The following BANK1 variants were observed in gnomAD, a reference collection of about 807,000 sequenced individuals.
BANK1 encodes B-cell scaffold protein with ankyrin repeats.
Under a neutral mutation model 94.5 loss-of-function variants are expected in BANK1, and 95 were observed. That is an observed-to-expected ratio of 1.00 (90% CI 0.85 to 1.19). The LOEUF is 1.19. Ranked by LOEUF, BANK1 falls within the 50% of genes most tolerant of loss-of-function variation. The probability of loss-of-function intolerance (pLI) is 0.00; values close to 1 mark genes in which losing one functional copy is unlikely to be tolerated. For missense variants in BANK1, 987 were observed against 932.2 expected, an observed-to-expected ratio of 1.06 and a Z score of -0.77; for synonymous variants, 334 against 308.4, an observed-to-expected ratio of 1.08 and a Z score of -0.87.
chr4:101,876,561 C>A (rs887021936), intron 5 of BANK1, among the ~76,000 whole-genome samples: 31 of 152,100 alleles, frequency 2.0e-4, no homozygotes, highest in African/African-American at 7.0e-4. Flanking sequence ...AATCTGGAAA[C>A]CCTTCCCAAG....
intron 7 of BANK1, among the ~76,000 whole-genome samples, chr4:101,956,251 G>C (rs970793635): frequency 6.6e-6 from 1 of 152,008 alleles, no homozygotes; most frequent in Non-Finnish European, 1.5e-5. Context: ...ACTCCTGCAT[G>C]GAAAAAAAGT....
chr4:102,007,092 A>AG (rs1322128290), intron 7 of BANK1, among the ~76,000 whole-genome samples: 1 of 82,298 alleles, frequency 1.2e-5, no homozygotes, highest in African/African-American at 4.2e-5. Flanking sequence ...ATATATATAT[A>AG]ATATATTTAT....
At chr4:101,974,174 A>G (rs1725048825) in intron 7 of BANK1, among the ~76,000 whole-genome samples, 1 of 152,118 alleles carries the variant, frequency 6.6e-6, no homozygotes, top group African/African-American at 2.4e-5. Flanking sequence ...TCCATGTAAT[A>G]ATCTTGTTTT....
intron 6 of BANK1, among the ~76,000 whole-genome samples, chr4:101,908,436 G>A (rs369340405): frequency 3.3e-5 from 5 of 152,186 alleles, no homozygotes; most frequent in East Asian, 1.9e-4. Flanking sequence ...AATGTGAGAC[G>A]TAAAACCATA....
At chr4:102,070,801 A>G (rs898959598) in intron 13 of BANK1, among the ~76,000 whole-genome samples, 9 of 152,212 alleles carry the variant, frequency 5.9e-5, no homozygotes, top group African/African-American at 2.2e-4. Context: ...GAAGGTTGAC[A>G]TAAGGGAGAA....
At chr4:101,821,861 G>A (rs983971793) in intron 1 of BANK1, among the ~76,000 whole-genome samples, 1 of 152,136 alleles carries the variant, frequency 6.6e-6, no homozygotes, top group African/African-American at 2.4e-5. Context: ...AAATGGAGGA[G>A]TGGGTGGAGG....
intron 1 of BANK1, among the ~76,000 whole-genome samples, chr4:101,806,164 ATATGTACTTCTAGGTT>A (rs1287351779): frequency 6.6e-6 from 1 of 151,962 alleles, no homozygotes; most frequent in Admixed American, 6.6e-5. Flanking sequence ...AAACTGTCAT[ATATGTACTTCTAGGTT>A]TTTTATACAT....
intron 1 of BANK1, chr4:101,813,743 A>T: frequency 3.5e-6 from 1 of 284,032 alleles, no homozygotes; most frequent in Non-Finnish European, 5.3e-6. Context: ...AGTTATGTTT[A>T]CTGTGAACAT....
intron 7 of BANK1, among the ~76,000 whole-genome samples, chr4:101,947,810 A>G (rs1393421543): frequency 1.3e-5 from 2 of 151,974 alleles, no homozygotes; most frequent in African/African-American, 4.8e-5. Flanking sequence ...TTCACTTATC[A>G]TTCTCCTTCA....
chr4:101,906,206 A>C (rs906385859), intron 6 of BANK1, among the ~76,000 whole-genome samples: 20 of 152,230 alleles, frequency 1.3e-4, no homozygotes, highest in Admixed American at 1.2e-3. Flanking sequence ...GAATCATCCA[A>C]CTGGAAACAG....
intron 2 of BANK1, among the ~76,000 whole-genome samples, chr4:101,838,047 C>T (rs1578347226): frequency 6.6e-6 from 1 of 152,132 alleles, no homozygotes; most frequent in African/African-American, 2.4e-5. Context: ...GCAACCTCCA[C>T]CTCCAGAGTT....
At chr4:101,895,194 A>C (rs1182741586) in intron 5 of BANK1, 111 bp from the exon 6 acceptor site, 1 of 557,060 alleles carries the variant, frequency 1.8e-6, no homozygotes, top group Admixed American at 4.0e-5. Flanking sequence ...AGTATTACTA[A>C]AGATTAGCCA....
chr4:101,863,202 T>C (rs1006308283), intron 4 of BANK1, among the ~76,000 whole-genome samples: 4 of 152,062 alleles, frequency 2.6e-5, no homozygotes, highest in African/African-American at 9.6e-5. Context: ...GCTTTGCTTA[T>C]AGCATGATAA....
chr4:101,900,318 A>G (rs1000409069), intron 6 of BANK1, among the ~76,000 whole-genome samples: 1 of 152,254 alleles, frequency 6.6e-6, no homozygotes, highest in Non-Finnish European at 1.5e-5. Context: ...GATAAGGGTT[A>G]TGAGAAAAAT....
intron 7 of BANK1, among the ~76,000 whole-genome samples, chr4:101,968,913 C>T (rs1343180576): frequency 1.3e-5 from 2 of 152,054 alleles, no homozygotes; most frequent in Non-Finnish European, 2.9e-5. Flanking sequence ...AGAATGGGAA[C>T]ACCCAAAGGT....
At chr4:101,951,887 G>A (rs1724171668) in intron 7 of BANK1, among the ~76,000 whole-genome samples, 1 of 151,840 alleles carries the variant, frequency 6.6e-6, no homozygotes, top group South Asian at 2.1e-4. Flanking sequence ...AATAAAGAAT[G>A]TGTGCTCATA....
At chr4:101,836,553 AC>A (rs1726837027) in intron 2 of BANK1, among the ~76,000 whole-genome samples, 1 of 152,092 alleles carries the variant, frequency 6.6e-6, no homozygotes, top group African/African-American at 2.4e-5. Context: ...CCTCAAAAAA[AC>A]CCCACAAACC....
At chr4:102,020,102 A>G (rs939589336) in intron 7 of BANK1, among the ~76,000 whole-genome samples, 3 of 152,142 alleles carry the variant, frequency 2.0e-5, no homozygotes, top group Non-Finnish European at 4.4e-5. Flanking sequence ...CATAATGCCC[A>G]AGCTTGTGAA....
chr4:101,791,896 TAG>T (rs1724999731), intron 1 of BANK1, among the ~76,000 whole-genome samples: 2 of 152,194 alleles, frequency 1.3e-5, no homozygotes, highest in Non-Finnish European at 1.5e-5. Flanking sequence ...AGAAAGGACT[TAG>T]AGCCCATAAC....
Sources: gnomAD v4.1 joint callset for allele counts (sites outside exome capture counted in the v4.1 genomes callset) on GRCh38, gnomAD v4.1.1 for gene constraint, MANE v1.5 for transcripts, NCBI Gene and HGNC (gene_info 2026-07-23, HGNC 2026-07-21) for gene names.